Variants in ADCY2 observed in about 807,000 individuals in gnomAD.
ADCY2 encodes the protein adenylate cyclase type 2.
A neutral mutation model predicts 125.2 loss-of-function variants in ADCY2; 31 were observed. That is an observed-to-expected ratio of 0.25 (90% CI 0.19 to 0.33). ADCY2 has a LOEUF of 0.33. Ranked by LOEUF, ADCY2 falls within the 10% of genes least tolerant of loss-of-function variation. ADCY2 has a pLI of 1.00. For synonymous variants in ADCY2, 512 were observed against 548.4 expected, an observed-to-expected ratio of 0.93 and a Z score of 0.93; for missense variants, 904 against 1,418.2, an observed-to-expected ratio of 0.64 and a Z score of 5.82.
chr5:7,716,547 T>C (rs1741595903), intron 11 of ADCY2, among the ~76,000 whole-genome samples: 1 of 152,218 alleles, frequency 6.6e-6, no homozygotes. Context: ...TAAGGACACA[T>C]CTTTACTATC....
At chr5:7,464,218 G>C (rs910028380) in intron 2 of ADCY2, among the ~76,000 whole-genome samples, 1 of 151,994 alleles carries the variant, frequency 6.6e-6, no homozygotes, top group Non-Finnish European at 1.5e-5. Context: ...CACCTTTCCT[G>C]TTGTCCTCCA....
intron 4 of ADCY2, among the ~76,000 whole-genome samples, chr5:7,681,381 G>A (rs1253308157): frequency 6.6e-6 from 1 of 152,144 alleles, no homozygotes; most frequent in Non-Finnish European, 1.5e-5. Flanking sequence ...ATCTTTGGAG[G>A]CTTTTCTGTG....
intron 3 of ADCY2, among the ~76,000 whole-genome samples, chr5:7,613,766 T>A (rs1238315600): frequency 2.0e-5 from 3 of 152,244 alleles, no homozygotes; most frequent in Admixed American, 2.0e-4. Context: ...TGACCAGCCA[T>A]CCTGAGCCTC....
chr5:7,530,126 G>A (rs1237037017), intron 3 of ADCY2, among the ~76,000 whole-genome samples: 3 of 152,178 alleles, frequency 2.0e-5, no homozygotes, highest in Non-Finnish European at 4.4e-5. Flanking sequence ...CAACCTCCTT[G>A]TTTGGTTGCT....
intron 23 of ADCY2, among the ~76,000 whole-genome samples, chr5:7,818,325 GT>G (rs1415948034): frequency 1.3e-5 from 2 of 150,178 alleles, no homozygotes; most frequent in African/African-American, 4.9e-5. Flanking sequence ...AGTTGTCAGT[GT>G]TTAATCATAT....
At chr5:7,445,764 T>C (rs757570513) in intron 2 of ADCY2, among the ~76,000 whole-genome samples, 9 of 152,260 alleles carry the variant, frequency 5.9e-5, no homozygotes, top group Non-Finnish European at 1.2e-4. Flanking sequence ...AGATATTTTC[T>C]AGCACTGTGT....
intron 10 of ADCY2, 22 bp from the exon 11 acceptor site, chr5:7,712,831 TTAA>T: frequency 6.4e-7 from 1 of 1,560,396 alleles, no homozygotes; most frequent in Non-Finnish European, 8.8e-7. Context: ...GTTTTGACAA[TTAA>T]TAACCTTTTT....
At position 7,411,776 on chromosome 5, in the gene ADCY2, C is replaced by A. The variant is rs191288062; in HGVS notation, c.211-2797C>A. Among the ~76,000 whole-genome samples, 15 of 152,196 alleles carry A rather than the reference C, an allele frequency of 9.9e-5. No individual in the cohort carries two copies. The South Asian group carries it at 1.5e-3, about 15-fold the overall frequency. On this transcript the variant is annotated intron_variant, in intron 1 of 24. Transcript: ENST00000338316. ...GTCTCTGTCTTGTTGACAGAGAGATCCTTTAAAAGAGAAGCACGGCCGGGC... is the reference window on the plus strand; with the variant it reads ...GTCTCTGTCTTGTTGACAGAGAGATACTTTAAAAGAGAAGCACGGCCGGGC...
At chr5:7,626,683 G>T (rs373643542) in intron 4 of ADCY2, among the ~76,000 whole-genome samples, 1 of 152,106 alleles carries the variant, frequency 6.6e-6, no homozygotes, top group Non-Finnish European at 1.5e-5. Context: ...GAGGGGCAGT[G>T]CCAGGCTCTT....
chr5:7,827,468 G>C lies in ADCY2; in HGVS notation c.*597G>C, dbSNP rs1437241700. ...CTAGGACCAGTTTTGTATCAAACTCGTCTGATGTTTTGATGCCATTTGTCT... is the reference window on the plus strand; with the variant it reads ...CTAGGACCAGTTTTGTATCAAACTCCTCTGATGTTTTGATGCCATTTGTCT... On this transcript the variant is annotated 3_prime_UTR_variant, in exon 25 of 25. Transcript: ENST00000338316. 6.6e-6 allele frequency: 1 copy of C among 152,602 alleles called. No individual in the cohort carries two copies. Among genetic ancestry groups the C allele is most frequent in the Non-Finnish European group, 1.5e-5 (1 of 68,054 alleles). 9.5% of individuals were successfully genotyped at this position (152,602 alleles called of 1,614,324 possible).
intron 4 of ADCY2, among the ~76,000 whole-genome samples, chr5:7,633,125 T>TAA (rs769107311): frequency 2.1e-5 from 3 of 144,688 alleles, no homozygotes; most frequent in Non-Finnish European, 4.6e-5. Context: ...TGTTCATTCT[T>TAA]AAAAAAAAAA....
rs548737757 is a variant in ADCY2, at chr5:7,805,335, A to G, written c.2883+643A>G. On this transcript the variant is annotated intron_variant, in intron 22 of 24. Coordinates refer to ENST00000338316, the MANE Select transcript of ADCY2 (RefSeq NM_020546.3). ...CACCGCATCTAAAAAATGAATTAAA[A>G]TAAAATAATGTGGTCAAAAAACAAG... is the stretch of plus-strand genomic sequence containing the variant. Among the ~76,000 whole-genome samples, 62 of 152,322 alleles carry G rather than the reference A, an allele frequency of 4.1e-4. 1 individual carries two copies. Among genetic ancestry groups the G allele is most frequent in the African/African-American group, 1.5e-3 (61 of 41,588 alleles).
At chr5:7,420,921 C>A (rs1268822069) in intron 2 of ADCY2, among the ~76,000 whole-genome samples, 2 of 152,002 alleles carry the variant, frequency 1.3e-5, no homozygotes, top group African/African-American at 4.8e-5. Context: ...GCATGTTGAA[C>A]TCAAAATTAG....
chr5:7,570,620 C>CAA (rs33956366), intron 3 of ADCY2, among the ~76,000 whole-genome samples: 14 of 112,972 alleles, frequency 1.2e-4, no homozygotes, highest in South Asian at 6.2e-4. Context: ...AGTCAAGGGA[C>CAA]AAAAAAAAAA....
At chr5:7,436,362 C>T (rs1579441855) in intron 2 of ADCY2, among the ~76,000 whole-genome samples, 2 of 152,164 alleles carry the variant, frequency 1.3e-5, no homozygotes, top group Non-Finnish European at 2.9e-5. Flanking sequence ...ATGGAAATGA[C>T]ATTGCAGTTG....
chr5:7,828,422 C>T lies in ADCY2; in HGVS notation c.*1551C>T, dbSNP rs1371970410. ...TTTCCTTATTGGCAACTTATGGACT[C>T]GCTAGTGATTAAACGAGGCAATGAC... On this transcript the variant is annotated 3_prime_UTR_variant, in exon 25 of 25. Transcript: ENST00000338316. The T allele has an allele frequency of 1.3e-5, 2 of 152,250 alleles. No homozygotes were observed. The highest frequency in any genetic ancestry group is 2.9e-5 in the Non-Finnish European group (2 of 68,024). 9.4% of individuals were successfully genotyped at this position (152,250 alleles called of 1,614,324 possible).
rs569104230 is a variant in ADCY2 at position 7,411,399 on chromosome 5, C to A, written c.211-3174C>A. Among the ~76,000 whole-genome samples, 6 of 152,310 alleles carry A rather than the reference C, an allele frequency of 3.9e-5. No individual in the cohort carries two copies. The East Asian group carries it at 9.7e-4, about 25-fold the overall frequency. ...CTGGGGAGGGCAGGCACACCACCAGCCACTGAGGATCATGACCTAGATTAG... is the reference window on the plus strand; with the variant it reads ...CTGGGGAGGGCAGGCACACCACCAGACACTGAGGATCATGACCTAGATTAG... On this transcript the variant is annotated intron_variant, in intron 1 of 24. Transcript: ENST00000338316.
chr5:7,515,020 C>A (rs1425969303), intron 2 of ADCY2, among the ~76,000 whole-genome samples: 1 of 152,220 alleles, frequency 6.6e-6, no homozygotes, highest in African/African-American at 2.4e-5. Flanking sequence ...TCTGAAGAAG[C>A]CATGAAATCA....
chr5:7,591,918 A>G (rs1318508883), intron 3 of ADCY2, among the ~76,000 whole-genome samples: 3 of 152,222 alleles, frequency 2.0e-5, no homozygotes, highest in African/African-American at 7.2e-5. Context: ...TTGTCTTTGA[A>G]GTAAATTTTT....
Sources: allele counts gnomAD v4.1 joint callset (sites outside exome capture counted in the v4.1 genomes callset), GRCh38; gene constraint gnomAD v4.1.1; transcripts MANE v1.5; gene names NCBI Gene and HGNC (gene_info 2026-07-23, HGNC 2026-07-21).